Variants in MEIG1 observed in about 807,000 individuals in gnomAD.
MEIG1 encodes the protein meiosis expressed gene 1 protein homolog.
Under a neutral mutation model 11.3 loss-of-function variants are expected in MEIG1, and 12 were observed. The ratio of observed to expected loss-of-function variants is 1.07; its 90% confidence interval spans 0.68 to 1.73. MEIG1 has a LOEUF of 1.73. Ranked by LOEUF, MEIG1 falls within the 40% of genes most tolerant of loss-of-function variation. The pLI, the probability that MEIG1 is intolerant of heterozygous loss-of-function variation, is 0.00. For synonymous variants in MEIG1, 41 were observed against 33.2 expected (o/e 1.24, Z -0.81); for missense variants, 119 against 104.9 (o/e 1.13, Z -0.59).
downstream of MEIG1, among the ~76,000 whole-genome samples, chr10:14,975,765 G>A (rs1843203236): frequency 6.6e-6 from 1 of 152,052 alleles, no homozygotes; most frequent in Non-Finnish European, 1.5e-5. Context: ...GAGAGAAGAG[G>A]ATGATGTTAC....
intron 2 of MEIG1, among the ~76,000 whole-genome samples, chr10:14,969,611 G>T (rs1014288774): frequency 9.2e-5 from 14 of 152,136 alleles, no homozygotes. Context: ...GAGGCGGGCC[G>T]TTCACCTGCA....
At chr10:14,968,978 C>T (rs1211265878) in intron 2 of MEIG1, among the ~76,000 whole-genome samples, 5 of 151,796 alleles carry the variant, frequency 3.3e-5, no homozygotes, top group Non-Finnish European at 1.5e-5. Context: ...TTCGGGAGGC[C>T]GAGGCAGGAG....
At chr10:14,960,172 T>C (rs975570384) in intron 1 of MEIG1, among the ~76,000 whole-genome samples, 1 of 152,220 alleles carries the variant, frequency 6.6e-6, no homozygotes, top group Non-Finnish European at 1.5e-5. Context: ...TTCATGGCCT[T>C]GCCTAAGGTT....
intron 2 of MEIG1, among the ~76,000 whole-genome samples, chr10:14,969,548 T>C (rs1812675015): frequency 6.6e-6 from 1 of 152,090 alleles, no homozygotes; most frequent in Non-Finnish European, 1.5e-5. Flanking sequence ...GCTCATAATT[T>C]GTTGGGCTGG....
At chr10:14,962,799 C>CT (rs1371374600) in intron 1 of MEIG1, among the ~76,000 whole-genome samples, 1 of 151,308 alleles carries the variant, frequency 6.6e-6, no homozygotes. Flanking sequence ...CAGTCTCGCT[C>CT]TGTCACCCAG....
chr10:14,981,808 T>C (rs1843268165), intron 1 of MEIG1, among the ~76,000 whole-genome samples: 1 of 152,228 alleles, frequency 6.6e-6, no homozygotes. Flanking sequence ...CTGCAAACTC[T>C]GACAGCCAAG....
intron 1 of MEIG1, among the ~76,000 whole-genome samples, chr10:14,961,638 ATTTTT>A (rs34536061): frequency 9.1e-5 from 7 of 76,616 alleles, no homozygotes; most frequent in African/African-American, 1.8e-4. Flanking sequence ...CATCCGGCTA[ATTTTT>A]TTTTTTTTTT....
intron 1 of MEIG1, among the ~76,000 whole-genome samples, chr10:14,980,660 C>A (rs944023447): frequency 6.6e-5 from 10 of 152,116 alleles, no homozygotes; most frequent in African/African-American, 2.4e-4. Flanking sequence ...CCTACTGGAG[C>A]AAAGCGCAGC....
chr10:14,957,379 C>T (rs1842961807), upstream of MEIG1, among the ~76,000 whole-genome samples: 1 of 152,190 alleles, frequency 6.6e-6, no homozygotes. Context: ...ATGCTGCCTC[C>T]ACAGCATCGG....
chr10:14,958,538 C>G (rs542119988), upstream of MEIG1, among the ~76,000 whole-genome samples: 1 of 152,268 alleles, frequency 6.6e-6, no homozygotes, highest in South Asian at 2.1e-4. Context: ...TGAGCTGGCT[C>G]CAGCACACAA....
intron 2 of MEIG1, among the ~76,000 whole-genome samples, chr10:14,967,684 GC>G (rs1843102989): frequency 6.6e-6 from 1 of 152,026 alleles, no homozygotes; most frequent in Admixed American, 6.6e-5. Flanking sequence ...AATGCTTCAT[GC>G]CGTCAAAAAT....
intron 1 of MEIG1, among the ~76,000 whole-genome samples, chr10:14,984,218 C>G (rs1171647292): frequency 6.7e-6 from 1 of 148,168 alleles, no homozygotes; most frequent in Non-Finnish European, 1.5e-5. Flanking sequence ...GGGGAGCCCA[C>G]CCCCCTGCGA....
intron 1 of MEIG1, among the ~76,000 whole-genome samples, chr10:14,982,041 T>G (rs777079910): frequency 1.3e-4 from 20 of 152,244 alleles, no homozygotes; most frequent in Non-Finnish European, 2.6e-4. Flanking sequence ...TGCAGTTTTC[T>G]TCTAAGGTCT....
downstream of MEIG1, among the ~76,000 whole-genome samples, chr10:14,973,129 G>A (rs1378511279): frequency 1.3e-5 from 2 of 152,102 alleles, no homozygotes; most frequent in African/African-American, 4.8e-5. Context: ...GCCTCCCAAA[G>A]TGCTGGCATT....
chr10:14,985,833 T>A (rs1311359579), intron 1 of MEIG1, among the ~76,000 whole-genome samples: 1 of 152,052 alleles, frequency 6.6e-6, no homozygotes, highest in Non-Finnish European at 1.5e-5. Context: ...TGTACACACA[T>A]AGTGTATACC....
chr10:14,971,367 CA>C (rs10560526), intron 2 of MEIG1, among the ~76,000 whole-genome samples: 20,706 of 146,918 alleles, frequency 0.14, 1,929 homozygotes, highest in East Asian at 0.33. Flanking sequence ...CCTGTCTCTA[CA>C]AAAAAAAAAA....
At chr10:14,964,930 G>A (rs1306111988) in intron 1 of MEIG1, among the ~76,000 whole-genome samples, 1 of 151,940 alleles carries the variant, frequency 6.6e-6, no homozygotes, top group African/African-American at 2.4e-5. Flanking sequence ...TGGGATTACA[G>A]GCATGTGCCA....
At chr10:14,976,702 G>A (rs1314997083), downstream of MEIG1, among the ~76,000 whole-genome samples, 1 of 151,722 alleles carries the variant, frequency 6.6e-6, no homozygotes, top group Admixed American at 6.6e-5. Context: ...AATGTCACAC[G>A]GGGTGGACAC....
At chr10:14,984,503 G>C (rs1252513654) in intron 1 of MEIG1, among the ~76,000 whole-genome samples, 1 of 152,098 alleles carries the variant, frequency 6.6e-6, no homozygotes, top group Non-Finnish European at 1.5e-5. Context: ...CACAATGTGT[G>C]TACACCTTGT....
Sources: gnomAD v4.1 joint callset for allele counts (sites outside exome capture counted in the v4.1 genomes callset) on GRCh38, gnomAD v4.1.1 for gene constraint, MANE v1.5 for transcripts, NCBI Gene and HGNC (gene_info 2026-07-23, HGNC 2026-07-21) for gene names.